GALNT2: variants seen among roughly 807,000 people sequenced by gnomAD.
The protein encoded by GALNT2 is polypeptide N-acetylgalactosaminyltransferase 2, also known as UDP-GalNAc:polypeptide N-acetylgalactosaminyltransferase 2.
In GALNT2, 31 loss-of-function variants were observed where a neutral mutation model predicts 81.4. The ratio of observed to expected loss-of-function variants is 0.38; its 90% CI spans 0.29 to 0.51. GALNT2 has a LOEUF of 0.51. Among genes scored for constraint, GALNT2 ranks in the 20% least tolerant of loss-of-function variants. The probability of loss-of-function intolerance (pLI) is 0.87; values close to 1 mark genes in which losing one functional copy is unlikely to be tolerated. For missense variants in GALNT2, 629 were observed against 765.7 expected (o/e 0.82, Z 2.11); for synonymous variants, 303 against 287.4 (o/e 1.05, Z -0.55).
rs906045364 is a variant in GALNT2, at chr1:230,207,543, A to G, written c.374+4253A>G. On this transcript the variant is annotated intron_variant, in intron 3 of 15. Transcript: ENST00000366672. ...GTGAGTGAAATACTAAATACTATGTATAAGATATATTAGGTCCTCTTAGAT... is the reference window on the plus strand; with the variant it reads ...GTGAGTGAAATACTAAATACTATGTGTAAGATATATTAGGTCCTCTTAGAT... 7.2e-5 allele frequency among the ~76,000 whole-genome samples: 11 copies of G among 152,346 alleles called. No individual in the cohort carries two copies. The South Asian group carries it at 1.4e-3, about 20-fold the overall frequency.
At chr1:230,076,302 G>T (rs1214499209) in intron 1 of GALNT2, among the ~76,000 whole-genome samples, 1 of 152,218 alleles carries the variant, frequency 6.6e-6, no homozygotes, top group Non-Finnish European at 1.5e-5. Flanking sequence ...GTCATTCATT[G>T]TTAGGTGCAC....
intron 1 of GALNT2, among the ~76,000 whole-genome samples, chr1:230,107,007 C>T (rs1261350324): frequency 2.0e-5 from 3 of 152,198 alleles, no homozygotes; most frequent in Non-Finnish European, 1.5e-5. Context: ...TCCCGAGTCC[C>T]GGGGCTGGAC....
chr1:230,281,672 G>A lies in GALNT2; in HGVS notation c.*2214G>A, dbSNP rs1042426688. 2 of 152,814 alleles carry A rather than the reference G, an allele frequency of 1.3e-5. No individual in the cohort carries two copies. Among genetic ancestry groups the A allele is most frequent in the Non-Finnish European group, 2.9e-5 (2 of 68,240 alleles). The allele number at this position is 152,814 out of a possible 1,614,324, so 9.5% of individuals were successfully genotyped here. On this transcript the variant is annotated 3_prime_UTR_variant, in exon 16 of 16. Transcript: ENST00000366672. ...GTGCGGCCCATGCCCTGGGGGCGGC[G>A]TCCTGTCCCTGAGCTGGGAGGCGGC...
chr1:230,148,962 C>T (rs562528003), intron 1 of GALNT2, among the ~76,000 whole-genome samples: 81 of 152,274 alleles, frequency 5.3e-4, no homozygotes, highest in African/African-American at 1.9e-3. Flanking sequence ...CTCATTGCAG[C>T]CTTGACCTCC....
rs568382984 is a variant in GALNT2 at position 230,251,052 on chromosome 1, T to G, written c.1009+492T>G. Among the ~76,000 whole-genome samples, 8 of 152,230 alleles carry G rather than the reference T, an allele frequency of 5.3e-5. No individual in the cohort carries two copies. The South Asian group carries it at 1.4e-3, about 28-fold the overall frequency. On this transcript the variant is annotated intron_variant, in intron 10 of 15. Transcript: ENST00000366672. ...CATTTGTTTTTCTGTTTGTTTGTTT[T>G]TTTGTTTTTAAATACCCCATGCAAA...
intron 9 of GALNT2, 144 bp from the exon 10 acceptor site, chr1:230,250,313 G>T: frequency 1.5e-6 from 1 of 680,520 alleles, no homozygotes. Context: ...GCTGGGCACT[G>T]AGCAGAAAAC....
intron 1 of GALNT2, among the ~76,000 whole-genome samples, chr1:230,150,236 T>G (rs1226102194): frequency 6.6e-6 from 1 of 152,222 alleles, no homozygotes; most frequent in African/African-American, 2.4e-5. Context: ...CTCCGTGTGC[T>G]GCCGTTTTTC....
At chr1:230,238,950 G>A (rs941927617) in intron 6 of GALNT2, among the ~76,000 whole-genome samples, 2 of 152,084 alleles carry the variant, frequency 1.3e-5, no homozygotes, top group African/African-American at 4.8e-5. Flanking sequence ...AATAGAATTA[G>A]CCAGTCTGGA....
intron 3 of GALNT2, among the ~76,000 whole-genome samples, chr1:230,229,774 G>A (rs1432078446): frequency 6.6e-6 from 1 of 152,204 alleles, no homozygotes; most frequent in Non-Finnish European, 1.5e-5. Flanking sequence ...CTCCCAAAAA[G>A]TGAAAACACC....
chr1:230,190,970 G>A (rs548217507), intron 2 of GALNT2, among the ~76,000 whole-genome samples: 2 of 152,138 alleles, frequency 1.3e-5, no homozygotes, highest in Non-Finnish European at 1.5e-5. Flanking sequence ...CAATGGCAAT[G>A]CATGCATTTT....
At chr1:230,163,575 G>C (rs1463051640) in intron 1 of GALNT2, among the ~76,000 whole-genome samples, 1 of 152,236 alleles carries the variant, frequency 6.6e-6, no homozygotes, top group Non-Finnish European at 1.5e-5. Context: ...CCACATCACA[G>C]TGGATAGAAA....
At chr1:230,260,883 G>GTC (rs1031806681) in intron 11 of GALNT2, among the ~76,000 whole-genome samples, 7 of 152,066 alleles carry the variant, frequency 4.6e-5, no homozygotes, top group African/African-American at 1.7e-4. Flanking sequence ...ATCTATTTCT[G>GTC]TCTCTCTCTC....
chr1:230,243,191 G>A lies in GALNT2; in HGVS notation c.608-115G>A, dbSNP rs573987930. ...ATCCAGCAAGTTTACAGTAATGTCC[G>A]TGCCCAGAAAGCAGGCTGCAGAGCT... On this transcript the variant is annotated intron_variant, in intron 6 of 15. Coordinates refer to ENST00000366672, the MANE Select transcript of GALNT2 (RefSeq NM_004481.5). The surrounding 1 kb of genome is among the most constrained non-coding windows in gnomAD (Gnocchi z 4.2). 20 of 1,353,336 alleles carry A rather than the reference G, an allele frequency of 1.5e-5. No individual in the cohort carries two copies. The highest frequency in any genetic ancestry group is 5.0e-5 in the East Asian group (2 of 39,694). 83.8% of individuals were successfully genotyped at this position (1,353,336 alleles called of 1,614,324 possible).
chr1:230,277,414 G>A (rs1396401378), intron 15 of GALNT2, among the ~76,000 whole-genome samples: 1 of 152,192 alleles, frequency 6.6e-6, no homozygotes, highest in Non-Finnish European at 1.5e-5. Flanking sequence ...GCCAGAATCA[G>A]ATTCCGTTCA....
rs572370825 is a variant in GALNT2, at chr1:230,113,260, G to T, written c.126+45854G>T. Among the ~76,000 whole-genome samples the T allele has an allele frequency of 6.0e-4, 92 of 152,168 alleles. 1 individual carries two copies. The South Asian group carries it at 0.018, about 30-fold the overall frequency. ...GTGAAGGTCAGGCTTGGAGAGTGAG[G>T]AGCTGCTGAAAAAGGGTGAGTTTTG... On this transcript the variant is annotated intron_variant, in intron 1 of 15. Coordinates refer to ENST00000366672, the MANE Select transcript of GALNT2 (RefSeq NM_004481.5).
intron 1 of GALNT2, among the ~76,000 whole-genome samples, chr1:230,158,493 C>T (rs1041409219): frequency 1.3e-5 from 2 of 152,218 alleles, no homozygotes; most frequent in Admixed American, 1.3e-4. Flanking sequence ...AAACTTTATG[C>T]ACAGCAACTA....
intron 1 of GALNT2, among the ~76,000 whole-genome samples, chr1:230,094,135 A>G (rs1320513701): frequency 1.3e-5 from 2 of 150,592 alleles, no homozygotes; most frequent in Non-Finnish European, 2.9e-5. Flanking sequence ...GTAGCTAAGA[A>G]TACAGGTGTG....
chr1:230,080,258 C>G (rs1464379442), intron 1 of GALNT2, among the ~76,000 whole-genome samples: 3 of 152,122 alleles, frequency 2.0e-5, no homozygotes, highest in Non-Finnish European at 2.9e-5. Flanking sequence ...AAGCGAAGCT[C>G]TCATCAGCTA....
intron 2 of GALNT2, among the ~76,000 whole-genome samples, chr1:230,197,418 T>G (rs1470881731): frequency 6.6e-6 from 1 of 152,060 alleles, no homozygotes; most frequent in Admixed American, 6.5e-5. Flanking sequence ...CCTCTATGCT[T>G]CCTGCTCGCC....
Sources: gnomAD v4.1 joint callset for allele counts (sites outside exome capture counted in the v4.1 genomes callset) on GRCh38, gnomAD v4.1.1 for gene constraint, Gnocchi (gnomAD v3.1) non-coding constraint, MANE v1.5 for transcripts, NCBI Gene and HGNC (gene_info 2026-07-23, HGNC 2026-07-21) for gene names.